Variants in ITGBL1 observed in about 807,000 individuals in gnomAD.
ITGBL1 encodes integrin subunit beta like 1, also known as integrin beta-like protein 1.
Under a neutral mutation model 68.5 loss-of-function variants are expected in ITGBL1, and 51 were observed. The ratio of observed to expected loss-of-function variants is 0.74; its 90% CI spans 0.59 to 0.94. The LOEUF is 0.94. ITGBL1 is among the 40% of genes least tolerant of loss of function. The probability of loss-of-function intolerance (pLI) is 0.00; values close to 1 mark genes in which losing one functional copy is unlikely to be tolerated. For synonymous variants in ITGBL1, 209 were observed against 227.3 expected (o/e 0.92, Z 0.72); for missense variants, 649 against 647.4 (o/e 1.00, Z -0.03).
Position 101,621,251 on chromosome 13 carries a change from G to C in ITGBL1, c.1015+22952G>C, listed in dbSNP as rs555542741. Among the ~76,000 whole-genome samples the C allele has an allele frequency of 4.6e-5, 7 of 152,236 alleles. No homozygotes were observed. The South Asian group carries it at 1.2e-3, about 27-fold the overall frequency. On this transcript the variant is annotated intron_variant, in intron 7 of 10. Transcript: ENST00000376180. ...CATCCCAGGCATCCTTCCACTCCCTGGGTGTGTATGGAATTAGAAACATGT... is the reference window on the plus strand; with the variant it reads ...CATCCCAGGCATCCTTCCACTCCCTCGGTGTGTATGGAATTAGAAACATGT...
intron 2 of ITGBL1, among the ~76,000 whole-genome samples, chr13:101,478,130 A>G (rs946898249): frequency 2.6e-5 from 4 of 152,160 alleles, no homozygotes; most frequent in South Asian, 2.1e-4. Flanking sequence ...TAAAAAGATC[A>G]TTCATCATGA....
At chr13:101,584,630 T>C (rs1250300274) in intron 6 of ITGBL1, among the ~76,000 whole-genome samples, 1 of 152,300 alleles carries the variant, frequency 6.6e-6, no homozygotes, top group African/African-American at 2.4e-5. Context: ...TGATAATCTC[T>C]TGTGCTCCAG....
In ITGBL1 at chr13:101,604,781, T is replaced by A. The variant is rs185408773; in HGVS notation, c.1015+6482T>A. 7.7e-3 allele frequency among the ~76,000 whole-genome samples: 1,077 copies of A among 139,998 alleles called. 14 individuals are homozygous for A. The highest frequency in any genetic ancestry group is 0.028 in the African/African-American group (1,042 of 37,816). The allele number at this position is 139,998 out of a possible 152,430, so 91.8% of individuals were successfully genotyped here. ...CTCAATCCTGACAGCCGCCATCACCTCACCAGCTGGAAAAAAAAATCCTAG... is the reference window on the plus strand; with the variant it reads ...CTCAATCCTGACAGCCGCCATCACCACACCAGCTGGAAAAAAAAATCCTAG... On this transcript the variant is annotated intron_variant, in intron 7 of 10. Transcript: ENST00000376180.
At chr13:101,600,540 T>C (rs1269248522) in intron 7 of ITGBL1, among the ~76,000 whole-genome samples, 1 of 152,072 alleles carries the variant, frequency 6.6e-6, no homozygotes, top group Admixed American at 6.6e-5. Flanking sequence ...ATGCTTCCAG[T>C]TTTTGTCCAT....
intron 2 of ITGBL1, among the ~76,000 whole-genome samples, chr13:101,562,792 A>C (rs1403626505): frequency 6.6e-6 from 1 of 151,930 alleles, no homozygotes; most frequent in Non-Finnish European, 1.5e-5. Context: ...AAACCTGAAC[A>C]AAACTATATT....
At chr13:101,707,122 T>G (rs1464765354) in intron 9 of ITGBL1, among the ~76,000 whole-genome samples, 1 of 152,242 alleles carries the variant, frequency 6.6e-6, no homozygotes, top group East Asian at 1.9e-4. Context: ...TATCCTTGTA[T>G]GCAAAGTTAT....
intron 2 of ITGBL1, among the ~76,000 whole-genome samples, chr13:101,540,607 G>C (rs1180569484): frequency 6.6e-6 from 1 of 152,188 alleles, no homozygotes; most frequent in East Asian, 1.9e-4. Context: ...TTGGTAGCTT[G>C]ATGGGGATGG....
At chr13:101,671,627 G>A (rs1157037021) in intron 7 of ITGBL1, among the ~76,000 whole-genome samples, 14 of 149,772 alleles carry the variant, frequency 9.3e-5, no homozygotes, top group Non-Finnish European at 8.9e-5. Context: ...TTTAGTAGAG[G>A]CGGGGTTTCA....
At chr13:101,604,912 G>T (rs2030636548) in intron 7 of ITGBL1, among the ~76,000 whole-genome samples, 1 of 35,836 alleles carries the variant, frequency 2.8e-5, no homozygotes, top group Non-Finnish European at 6.2e-5. Context: ...ATATATATGT[G>T]CATATATGTG....
At chr13:101,573,038 T>C (rs1461397924) in intron 3 of ITGBL1, among the ~76,000 whole-genome samples, 1 of 152,172 alleles carries the variant, frequency 6.6e-6, no homozygotes, top group East Asian at 1.9e-4. Flanking sequence ...CTCTTCCTGG[T>C]CTATGATTTA....
intron 2 of ITGBL1, among the ~76,000 whole-genome samples, chr13:101,506,606 G>A (rs114189863): frequency 0.014 from 2,068 of 152,236 alleles, 50 homozygotes; most frequent in African/African-American, 0.046. Flanking sequence ...TCTACCAACC[G>A]TCACCTGCAG....
At chr13:101,602,613 A>T (rs1244967524) in intron 7 of ITGBL1, among the ~76,000 whole-genome samples, 1 of 151,994 alleles carries the variant, frequency 6.6e-6, no homozygotes, top group Non-Finnish European at 1.5e-5. Context: ...CAAAATTCAC[A>T]TACCACTCAG....
At chr13:101,614,130 C>T (rs769203724) in intron 7 of ITGBL1, among the ~76,000 whole-genome samples, 7 of 151,946 alleles carry the variant, frequency 4.6e-5, no homozygotes, top group Non-Finnish European at 7.4e-5. Flanking sequence ...ACCTTAGGCA[C>T]GTTTGAATAC....
chr13:101,536,608 A>G lies in ITGBL1; in HGVS notation c.317-31091A>G, dbSNP rs768435205. On this transcript the variant is annotated intron_variant, in intron 2 of 10. Coordinates refer to ENST00000376180, the MANE Select transcript of ITGBL1 (RefSeq NM_004791.3). ...ATGTTGGCTTTCTCATTCTCAACTC[A>G]TAAGTTGTGGTCAATAATTCATTGT... Among the ~76,000 whole-genome samples the G allele has an allele frequency of 2.0e-5, 3 of 151,962 alleles. No individual in the cohort carries two copies. The East Asian group carries it at 5.8e-4, about 29-fold the overall frequency.
chr13:101,583,248 G>C lies in ITGBL1; in HGVS notation c.760G>C (p.Asp254His), dbSNP rs267603743. The change falls in exon 6 of 11, where the codon GAT becomes CAT. Residue 254 changes from aspartate to histidine, a missense_variant. By Grantham distance (81) the Asp-to-His change is moderately conservative. Coordinates refer to ENST00000376180, the MANE Select transcript of ITGBL1 (RefSeq NM_004791.3). ...TGTATGTGGTGAATGTACCTGTCAC[G>C]ATGTTGATCCGACTGGGGACTGGGG... ...TCVCGECTCH[D>H]VDPTGDWGDI... The C allele has an allele frequency of 1.2e-6, 2 of 1,613,564 alleles. No homozygotes were observed. The highest frequency in any genetic ancestry group is 2.7e-5 in the African/African-American group (2 of 74,940).
At chr13:101,524,495 A>G (rs1393677074) in intron 2 of ITGBL1, among the ~76,000 whole-genome samples, 1 of 152,058 alleles carries the variant, frequency 6.6e-6, no homozygotes, top group African/African-American at 2.4e-5. Context: ...TTATTTGGGA[A>G]AGATATTGGT....
At chr13:101,604,887 T>TATATATATATATATACACACACACACAC in intron 7 of ITGBL1, among the ~76,000 whole-genome samples, 1 of 22,164 alleles carries the variant, frequency 4.5e-5, no homozygotes, top group Non-Finnish European at 8.2e-5. Context: ...TATATATATA[T>TATATATATATATATACACACACACACAC]ACACACACAC....
chr13:101,504,573 C>A (rs1566705422), intron 2 of ITGBL1, among the ~76,000 whole-genome samples: 1 of 152,072 alleles, frequency 6.6e-6, no homozygotes, highest in Admixed American at 6.6e-5. Context: ...ATATTTACAA[C>A]CAACATTTTA....
At chr13:101,667,900 T>TA (rs35394580) in intron 7 of ITGBL1, among the ~76,000 whole-genome samples, 53,305 of 145,688 alleles carry the variant, frequency 0.37, 9,647 homozygotes, top group African/African-American at 0.45. Context: ...CTTAAAAGTG[T>TA]AAAAAAAAAA....
Sources: gnomAD v4.1 joint callset for allele counts (sites outside exome capture counted in the v4.1 genomes callset) on GRCh38, gnomAD v4.1.1 for gene constraint, MANE v1.5 for transcripts, NCBI Gene and HGNC (gene_info 2026-07-23, HGNC 2026-07-21) for gene names.